The following PTTG1 variants were observed in gnomAD, a reference collection of about 807,000 sequenced individuals.
PTTG1 encodes the protein securin.
In PTTG1, 8 loss-of-function variants were observed where a neutral mutation model predicts 20.0. The observed-to-expected ratio is 0.40, with a 90% CI of 0.23 to 0.72. PTTG1 has a LOEUF of 0.72. Among genes scored for constraint, PTTG1 ranks in the 30% least tolerant of loss-of-function variants. The pLI is 0.38. For synonymous variants in PTTG1, 79 were observed against 87.2 expected (o/e 0.91, Z 0.52); for missense variants, 197 against 236.0 (o/e 0.83, Z 1.08).
rs138320244 is a variant in PTTG1, at chr5:160,423,822, A to C, written c.277-415A>C. Among the ~76,000 whole-genome samples the C allele has an allele frequency of 4.6e-5, 7 of 152,344 alleles. No homozygotes were observed. The East Asian group carries it at 1.3e-3, about 29-fold the overall frequency. On this transcript the variant is annotated intron_variant, in intron 3 of 5. Coordinates refer to ENST00000352433, the MANE Select transcript of PTTG1 (RefSeq NM_004219.4). Reference sequence around the variant, plus strand: ...GCCTCTTACTCAGTGTGTGTATTTGAGGAACACAAACTTGTTTTTAATATT... The same window carrying C: ...GCCTCTTACTCAGTGTGTGTATTTGCGGAACACAAACTTGTTTTTAATATT...
At chr5:160,423,129 C>T (rs1765746752) in intron 3 of PTTG1, 3 of 505,060 alleles carry the variant, frequency 5.9e-6, no homozygotes, top group Non-Finnish European at 1.1e-5. Flanking sequence ...TTTGCCTCAC[C>T]TGTCCTTCAC....
intron 4 of PTTG1, chr5:160,424,548 T>C (rs1765774857): frequency 4.4e-6 from 2 of 456,906 alleles, no homozygotes; most frequent in South Asian, 6.4e-5. Flanking sequence ...GAAGACATTG[T>C]TCCTGTCTGT....
At chr5:160,426,784 C>CT (rs1458784998) in intron 4 of PTTG1, among the ~76,000 whole-genome samples, 6 of 152,206 alleles carry the variant, frequency 3.9e-5, no homozygotes, top group African/African-American at 1.4e-4. Context: ...TGGCTCACGC[C>CT]TGTAATCCCA....
At chr5:160,423,073 G>T in intron 3 of PTTG1, 180 bp downstream of exon 3, 4 of 657,446 alleles carry the variant, frequency 6.1e-6, no homozygotes, top group Non-Finnish European at 1.0e-5. Context: ...CCTTGAGATT[G>T]GAAATCTCAG....
At chr5:160,423,486 A>G (rs1323083633) in intron 3 of PTTG1, among the ~76,000 whole-genome samples, 1 of 152,250 alleles carries the variant, frequency 6.6e-6, no homozygotes, top group African/African-American at 2.4e-5. Context: ...TTTAATTTGC[A>G]TTAGGAAACA....
chr5:160,426,689 T>A (rs1197436773), intron 4 of PTTG1, among the ~76,000 whole-genome samples: 1 of 152,242 alleles, frequency 6.6e-6, no homozygotes, highest in Non-Finnish European at 1.5e-5. Flanking sequence ...ATACCACAAC[T>A]GATCTCATCA....
chr5:160,423,930 A>G (rs1394917280), intron 3 of PTTG1, among the ~76,000 whole-genome samples: 5 of 152,240 alleles, frequency 3.3e-5, no homozygotes, highest in East Asian at 3.8e-4. Flanking sequence ...ATTAGCTACT[A>G]TCCTGGGTGA....
rs1390330142 is a variant in PTTG1 at position 160,422,285 on chromosome 5, G to C, written c.-11-17G>C. Reference sequence around the variant, plus strand: ...TCCCACCTTCCCCAATATCTAATATGTATTTCTCATTCTTAGAATAATCCA... The same window carrying C: ...TCCCACCTTCCCCAATATCTAATATCTATTTCTCATTCTTAGAATAATCCA... On this transcript the variant is annotated splice_polypyrimidine_tract_variant and intron_variant, in intron 1 of 5. Transcript: ENST00000352433. The C allele has an allele frequency of 6.4e-7, 1 of 1,566,646 alleles. No individual in the cohort carries two copies. Among genetic ancestry groups the C allele is most frequent in the Admixed American group, 1.7e-5 (1 of 59,954 alleles).
At chr5:160,428,474 G>T in intron 5 of PTTG1, 128 bp from the exon 6 acceptor site, 5 of 784,620 alleles carry the variant, frequency 6.4e-6, no homozygotes. Context: ...TGTGTCAGGA[G>T]GGGATGCAGG....
intron 1 of PTTG1, chr5:160,422,094 C>G (rs1765722176): frequency 2.0e-6 from 1 of 495,842 alleles, no homozygotes; most frequent in Non-Finnish European, 3.6e-6. Context: ...AGCCCCAAAC[C>G]GCGCGCTGCT....
intron 3 of PTTG1, 41 bp from the exon 4 acceptor site, chr5:160,424,196 C>A: frequency 7.0e-7 from 1 of 1,429,376 alleles, no homozygotes; most frequent in Non-Finnish European, 9.7e-7. Flanking sequence ...GCTAATAAGA[C>A]TTCCACTGTC....
In PTTG1 at chr5:160,427,808, T is replaced by C. The variant is rs201000365; in HGVS notation, c.464T>C (p.Leu155Pro). 1.1e-5 allele frequency: 17 copies of C among 1,614,146 alleles called. No homozygotes were observed. The highest frequency in any genetic ancestry group is 1.4e-5 in the Non-Finnish European group (17 of 1,180,016). ...ATGATCCTTGACGAGGAGAGAGAGC[T>C]TGAAAAGCTGTTTCAGCTGGGCCCC... Reference protein sequence around the residue: ...PLMILDEERELEKLFQLGPPS... With the variant: ...PLMILDEEREPEKLFQLGPPS... The change falls in exon 5 of 6, where the codon CTT becomes CCT. Residue 155 changes from leucine (L) to proline (P), a missense_variant. Transcript: ENST00000352433.
Position 160,422,731 on chromosome 5 carries a change from A to T in PTTG1, c.114A>T (p.Arg38Ser). Residue 38 changes from arginine to serine, a missense_variant, in exon 3 of 6, where the codon AGA becomes AGT. Transcript: ENST00000352433. ...SGPSIKALDG[R>S]SQVSTPRFGK... ...CAGCAATCAAAGCCTTAGATGGGAGATCTCAAGTTTCAACACCACGTTTTG... is the reference window on the plus strand; with the variant it reads ...CAGCAATCAAAGCCTTAGATGGGAGTTCTCAAGTTTCAACACCACGTTTTG... 6.2e-7 allele frequency: 1 copy of T among 1,614,028 alleles called. No individual in the cohort carries two copies. Among genetic ancestry groups the T allele is most frequent in the Non-Finnish European group, 8.5e-7 (1 of 1,180,004 alleles).
intron 2 of PTTG1, 54 bp from the exon 3 acceptor site, chr5:160,422,655 G>A (rs1008841864): frequency 7.5e-6 from 12 of 1,591,542 alleles, no homozygotes; most frequent in Non-Finnish European, 8.6e-6. Context: ...CAGTATTTAA[G>A]TTGTACAGGT....
rs561528753 is a variant in PTTG1, at chr5:160,427,704, C to T, written c.371-11C>T. 3 of 1,613,150 alleles carry T rather than the reference C, an allele frequency of 1.9e-6. No individual in the cohort carries two copies. In the Admixed American group the frequency reaches 5.0e-5, roughly 27 times the overall value. On this transcript the variant is annotated splice_polypyrimidine_tract_variant and intron_variant, in intron 4 of 5. Transcript: ENST00000352433. ...TGCTGCCCTGACAAAAACGCTTTCTCTCTGTAACAGACTTTGAGAGTTTTG... is the reference window on the plus strand; with the variant it reads ...TGCTGCCCTGACAAAAACGCTTTCTTTCTGTAACAGACTTTGAGAGTTTTG...
chr5:160,426,262 G>T (rs553360364), intron 4 of PTTG1, among the ~76,000 whole-genome samples: 1 of 152,184 alleles, frequency 6.6e-6, no homozygotes, highest in South Asian at 2.1e-4. Flanking sequence ...GTTTGGAGAA[G>T]AATGGCATGG....
chr5:160,427,543 C>T (rs975114675), intron 4 of PTTG1, among the ~76,000 whole-genome samples, 172 bp from the exon 5 acceptor site: 18 of 152,148 alleles, frequency 1.2e-4, no homozygotes, highest in African/African-American at 2.9e-4. Context: ...CTTTCTCCAC[C>T]GCTGCCTTGG....
At position 160,427,893 on chromosome 5, in the gene PTTG1, T is replaced by C. The variant is rs1765840417; in HGVS notation, c.529+20T>C. On this transcript the variant is annotated intron_variant, in intron 5 of 5. Coordinates refer to ENST00000352433, the MANE Select transcript of PTTG1 (RefSeq NM_004219.4). Reference sequence around the variant, plus strand: ...AATCCAGTAAGTGAGCAAGTGCCCTTCTGGAAGGGCTGCAAACAATTTGTT... The same window carrying C: ...AATCCAGTAAGTGAGCAAGTGCCCTCCTGGAAGGGCTGCAAACAATTTGTT... 1 of 1,613,944 alleles carries C rather than the reference T, an allele frequency of 6.2e-7. No individual in the cohort carries two copies. Among genetic ancestry groups the C allele is most frequent in the Non-Finnish European group, 8.5e-7 (1 of 1,179,954 alleles).
chr5:160,425,270 C>A (rs1198267751), intron 4 of PTTG1, among the ~76,000 whole-genome samples: 1 of 152,150 alleles, frequency 6.6e-6, no homozygotes, highest in Non-Finnish European at 1.5e-5. Flanking sequence ...TGGAGGGAAA[C>A]TTTGAGAAGG....
Sources: gnomAD v4.1 joint callset for allele counts (sites outside exome capture counted in the v4.1 genomes callset) on GRCh38, gnomAD v4.1.1 for gene constraint, MANE v1.5 for transcripts, NCBI Gene and HGNC (gene_info 2026-07-23, HGNC 2026-07-21) for gene names.